The following NELL1 variants were observed in gnomAD, a reference collection of about 807,000 sequenced individuals.
NELL1 encodes the protein neural EGFL like 1.
Under a neutral mutation model 107.4 loss-of-function variants are expected in NELL1, and 76 were observed. The observed-to-expected ratio is 0.71, with a 90% CI of 0.59 to 0.86. The LOEUF is 0.86. Among genes scored for constraint, NELL1 ranks in the 40% least tolerant of loss-of-function variants. NELL1 has a pLI of 0.00. For missense variants in NELL1, 1,024 were observed against 1,005.5 expected, an observed-to-expected ratio of 1.02 and a Z score of -0.25; for synonymous variants, 353 against 341.2, an observed-to-expected ratio of 1.03 and a Z score of -0.38.
chr11:21,554,842 G>A (rs983100018), intron 16 of NELL1, among the ~76,000 whole-genome samples: 3 of 151,842 alleles, frequency 2.0e-5, no homozygotes, highest in African/African-American at 4.8e-5. Flanking sequence ...GTCCCTATGG[G>A]GCTGGAACTT....
At chr11:21,129,395 G>A (rs58712598) in intron 13 of NELL1, among the ~76,000 whole-genome samples, 41,293 of 151,944 alleles carry the variant, frequency 0.27, 6,137 homozygotes, top group African/African-American at 0.38. Flanking sequence ...ATGATCTGGC[G>A]ATTCCACTTA....
intron 14 of NELL1, among the ~76,000 whole-genome samples, chr11:21,232,239 C>T (rs186666358): frequency 6.2e-4 from 90 of 145,848 alleles, no homozygotes; most frequent in African/African-American, 2.0e-3. Context: ...CTGAGGCAGG[C>T]GAATTGCTCG....
At chr11:21,493,448 A>G (rs1367834030) in intron 15 of NELL1, among the ~76,000 whole-genome samples, 1 of 152,016 alleles carries the variant, frequency 6.6e-6, no homozygotes. Flanking sequence ...CATGGATGGA[A>G]CTGTAGGTCA....
chr11:20,963,169 G>A (rs1286668337), intron 12 of NELL1, among the ~76,000 whole-genome samples: 3 of 152,132 alleles, frequency 2.0e-5, no homozygotes, highest in Non-Finnish European at 4.4e-5. Flanking sequence ...AAGGAAGAGA[G>A]GAAGGGGCAG....
chr11:21,167,374 A>G (rs1856508143), intron 13 of NELL1, among the ~76,000 whole-genome samples: 1 of 151,902 alleles, frequency 6.6e-6, no homozygotes, highest in South Asian at 2.1e-4. Context: ...TTTTTTGGCA[A>G]TAACTTTAGA....
chr11:21,121,736 C>T (rs1029221223), intron 13 of NELL1, among the ~76,000 whole-genome samples: 11 of 152,106 alleles, frequency 7.2e-5, no homozygotes, highest in African/African-American at 2.7e-4. Flanking sequence ...TGTGACTGGA[C>T]TTCTCTACCT....
rs989410574 is a variant in NELL1, at chr11:21,539,257, A to G, written c.1786+4743A>G. Among the ~76,000 whole-genome samples, 3 of 152,062 alleles carry G rather than the reference A, an allele frequency of 2.0e-5. No individual in the cohort carries two copies. The South Asian group carries it at 6.2e-4, about 32-fold the overall frequency. On this transcript the variant is annotated intron_variant, in intron 16 of 19. Transcript: ENST00000357134. ...AGCACTTTTGGGCTCTGGCCCCACA[A>G]TAATATCTAGGGATGGGTGCCTGAA...
chr11:21,322,342 A>G (rs184977057), intron 14 of NELL1, among the ~76,000 whole-genome samples: 1 of 152,176 alleles, frequency 6.6e-6, no homozygotes, highest in East Asian at 1.9e-4. Flanking sequence ...TTCCTTCTAA[A>G]TCAGATGCTC....
chr11:21,318,846 G>T (rs1849939811), intron 14 of NELL1, among the ~76,000 whole-genome samples: 1 of 151,990 alleles, frequency 6.6e-6, no homozygotes, highest in African/African-American at 2.4e-5. Flanking sequence ...TTGCCCTAGA[G>T]TCAGATGGGG....
In NELL1 at chr11:21,574,973, A is replaced by G. The variant is rs764906057; in HGVS notation, c.2384A>G (p.Asn795Ser). Reference protein sequence around the residue: ...GSPCTTCKCKNGRVCCSVDFE... With the variant: ...GSPCTTCKCKSGRVCCSVDFE... ...AACACATGTTTCTTTGATGTACAGA[A>G]TGGAAGAGTCTGTTGTTCTGTGGAT... Residue 795 changes from asparagine (N) to serine (S), a missense_variant and splice_region_variant, in exon 20 of 20, where the codon AAT becomes AGT. By Grantham distance (46) the Asn-to-Ser change is conservative (BLOSUM62 1). Transcript: ENST00000357134. The G allele has an allele frequency of 1.2e-6, 2 of 1,610,678 alleles. No individual in the cohort carries two copies. The highest frequency in any genetic ancestry group is 1.1e-5 in the South Asian group (1 of 90,968).
intron 13 of NELL1, among the ~76,000 whole-genome samples, chr11:21,185,419 C>T (rs1043823283): frequency 8.6e-5 from 13 of 150,410 alleles, no homozygotes; most frequent in Admixed American, 6.7e-4. Flanking sequence ...CTCAGCCTCT[C>T]GAATAGCTGG....
chr11:21,068,640 G>T (rs985165172), intron 12 of NELL1, among the ~76,000 whole-genome samples: 2 of 152,162 alleles, frequency 1.3e-5, no homozygotes, highest in Non-Finnish European at 2.9e-5. Context: ...ATAAATGGGT[G>T]CAGCCAGTGG....
At chr11:20,708,799 G>A (rs116364721) in intron 2 of NELL1, among the ~76,000 whole-genome samples, 5,358 of 152,092 alleles carry the variant, frequency 0.035, 322 homozygotes, top group African/African-American at 0.12. Flanking sequence ...ATGTCTAAGC[G>A]AATGTCTGGA....
chr11:21,173,835 G>C (rs967129199), intron 13 of NELL1, among the ~76,000 whole-genome samples: 1 of 151,662 alleles, frequency 6.6e-6, no homozygotes, highest in Non-Finnish European at 1.5e-5. Context: ...CTGACCTAGT[G>C]TGGAGGTCTT....
intron 16 of NELL1, among the ~76,000 whole-genome samples, chr11:21,545,870 TG>T (rs1856429359): frequency 6.6e-6 from 1 of 151,982 alleles, no homozygotes; most frequent in Non-Finnish European, 1.5e-5. Context: ...ATGCAAATTC[TG>T]TACCACACTC....
chr11:21,400,136 A>T (rs2133795419), intron 15 of NELL1, among the ~76,000 whole-genome samples: 1 of 151,894 alleles, frequency 6.6e-6, no homozygotes, highest in Middle Eastern at 3.4e-3. Flanking sequence ...CCGTCACAAA[A>T]CCATAGTTTG....
At chr11:21,122,286 G>T (rs909366872) in intron 13 of NELL1, among the ~76,000 whole-genome samples, 4 of 152,254 alleles carry the variant, frequency 2.6e-5, no homozygotes, top group East Asian at 1.9e-4. Flanking sequence ...TCACAATAAG[G>T]CTTTCTCATA....
intron 15 of NELL1, among the ~76,000 whole-genome samples, chr11:21,384,667 A>T (rs573264440): frequency 4.0e-5 from 6 of 151,846 alleles, no homozygotes; most frequent in Non-Finnish European, 7.4e-5. Context: ...TCATTGTTCA[A>T]TTCCCACCTA....
intron 17 of NELL1, among the ~76,000 whole-genome samples, chr11:21,567,468 A>G (rs969433225): frequency 1.3e-5 from 2 of 151,760 alleles, no homozygotes; most frequent in Non-Finnish European, 2.9e-5. Context: ...TTGCATACAC[A>G]TGCAAATGTA....
Sources: gnomAD v4.1 joint callset for allele counts (sites outside exome capture counted in the v4.1 genomes callset) on GRCh38, gnomAD v4.1.1 for gene constraint, MANE v1.5 for transcripts, NCBI Gene and HGNC (gene_info 2026-07-23, HGNC 2026-07-21) for gene names.